Variants in DCDC2C observed in about 807,000 individuals in gnomAD.
DCDC2C encodes doublecortin domain-containing protein 2C.
In DCDC2C, 44 loss-of-function variants were observed where a neutral mutation model predicts 45.0. The observed-to-expected ratio is 0.98, with a 90% confidence interval of 0.77 to 1.26. The LOEUF (loss-of-function observed/expected upper bound fraction) is 1.26. Ranked by LOEUF, DCDC2C falls within the 50% of genes most tolerant of loss-of-function variation. DCDC2C has a pLI of 0.00. For synonymous variants in DCDC2C, 187 were observed against 178.8 expected, an observed-to-expected ratio of 1.05 and a Z score of -0.37; for missense variants, 447 against 468.9, an observed-to-expected ratio of 0.95 and a Z score of 0.43.
chr2:3,758,278 C>A (rs142058024), intron 6 of DCDC2C, among the ~76,000 whole-genome samples: 19 of 152,294 alleles, frequency 1.2e-4, no homozygotes, highest in African/African-American at 4.6e-4. Context: ...TCTCAGGACT[C>A]CTGTGGGCAG....
At chr2:3,803,406 C>T (rs1001562806) in intron 10 of DCDC2C, among the ~76,000 whole-genome samples, 3 of 152,222 alleles carry the variant, frequency 2.0e-5, no homozygotes, top group African/African-American at 7.2e-5. Context: ...TGCGTCCTAT[C>T]TTCGTGGGTT....
intron 6 of DCDC2C, among the ~76,000 whole-genome samples, chr2:3,756,925 A>G (rs748111395): frequency 7.9e-5 from 12 of 152,206 alleles, no homozygotes; most frequent in Non-Finnish European, 1.8e-4. Context: ...TTTCTCTAAG[A>G]AACACATTTT....
intron 1 of DCDC2C, among the ~76,000 whole-genome samples, chr2:3,706,950 G>A (rs557757668): frequency 9.8e-5 from 15 of 152,306 alleles, no homozygotes; most frequent in African/African-American, 3.1e-4. Flanking sequence ...TCTGCGGTAC[G>A]GTTGGGAGAA....
intron 2 of DCDC2C, among the ~76,000 whole-genome samples, chr2:3,718,909 C>T (rs1216089189): frequency 3.3e-5 from 5 of 152,204 alleles, no homozygotes; most frequent in Admixed American, 6.5e-5. Flanking sequence ...AGCTACAGAG[C>T]GCTGATTAGT....
intron 2 of DCDC2C, among the ~76,000 whole-genome samples, chr2:3,708,887 G>A (rs971487308): frequency 6.6e-6 from 1 of 152,152 alleles, no homozygotes; most frequent in Non-Finnish European, 1.5e-5. Context: ...TTTTGTTTTG[G>A]GGGGGTTTGG....
At chr2:3,793,595 A>G (rs1670881341) in intron 10 of DCDC2C, among the ~76,000 whole-genome samples, 1 of 152,248 alleles carries the variant, frequency 6.6e-6, no homozygotes, top group Non-Finnish European at 1.5e-5. Flanking sequence ...ATGGAGGGGA[A>G]ATGGAAGTGT....
chr2:3,742,153 A>G (rs1306389206), intron 4 of DCDC2C, 105 bp downstream of exon 4: 8 of 1,278,880 alleles, frequency 6.3e-6, no homozygotes, highest in Non-Finnish European at 8.3e-6. Flanking sequence ...ATGATTCACC[A>G]TAAACTCTTA....
rs181715707 is a variant in DCDC2C, at chr2:3,818,244, G to A, written c.1066-28910G>A. Among the ~76,000 whole-genome samples the A allele has an allele frequency of 5.5e-3, 845 of 152,266 alleles. 8 individuals are homozygous for A. The highest frequency in any genetic ancestry group is 0.019 in the African/African-American group (804 of 41,544). On this transcript the variant is annotated intron_variant, in intron 10 of 10. Coordinates refer to ENST00000399143, the MANE Select transcript of DCDC2C (RefSeq NM_001287444.2). The surrounding 1 kb of genome is among the most constrained non-coding windows in gnomAD (Gnocchi z 4.7). ...GAAAGGGCTTGACTGAAGTAATGAG[G>A]GCTGTCCATGAAGCCTTGTGGCAGT...
chr2:3,842,390 G>A (rs539181639), intron 10 of DCDC2C, among the ~76,000 whole-genome samples: 1 of 152,166 alleles, frequency 6.6e-6, no homozygotes, highest in South Asian at 2.1e-4. Flanking sequence ...CTGCGAAAAT[G>A]AATTGGGAAG....
rs185837012 is a variant in DCDC2C, at chr2:3,818,700, G to A, written c.1066-28454G>A. Among the ~76,000 whole-genome samples the A allele has an allele frequency of 2.6e-5, 4 of 152,086 alleles. No individual in the cohort carries two copies. The highest frequency in any genetic ancestry group is 9.7e-5 in the African/African-American group (4 of 41,398). ...GATTAGGTTTTAAAGGGATGGTAAG[G>A]GGTGCATGATCGGTCATCAAGGAGG... is the stretch of plus-strand genomic sequence containing the variant. On this transcript the variant is annotated intron_variant, in intron 10 of 10. Coordinates refer to ENST00000399143, the MANE Select transcript of DCDC2C (RefSeq NM_001287444.2). The surrounding 1 kb of genome is among the most constrained non-coding windows in gnomAD (Gnocchi z 4.7).
chr2:3,772,864 T>C (rs6714956), intron 8 of DCDC2C, among the ~76,000 whole-genome samples: 72,863 of 152,066 alleles, frequency 0.48, 17,722 homozygotes, highest in East Asian at 0.67. Context: ...ACACTGGCGT[T>C]TCAAGGCTCC....
intron 10 of DCDC2C, among the ~76,000 whole-genome samples, chr2:3,839,792 G>A (rs1672164522): frequency 1.3e-5 from 2 of 152,210 alleles, no homozygotes; most frequent in South Asian, 2.1e-4. Context: ...TCGCCAAAAT[G>A]TCAGGGCTGC....
At chr2:3,727,792 G>T (rs113628833) in intron 3 of DCDC2C, among the ~76,000 whole-genome samples, 1 of 152,170 alleles carries the variant, frequency 6.6e-6, no homozygotes, top group East Asian at 1.9e-4. Context: ...CTGCTGCTTC[G>T]CTCTGAGGCT....
At chr2:3,813,051 ATATATATATATATATATTTTTTT>A (rs1489666810) in intron 10 of DCDC2C, among the ~76,000 whole-genome samples, 2 of 82,740 alleles carry the variant, frequency 2.4e-5, no homozygotes, top group African/African-American at 1.4e-4. Flanking sequence ...ATATATATAT[ATATATATATATATATATTTTTTT>A]TTTTTTGCTG....
At chr2:3,730,833 C>T (rs1284524996) in intron 3 of DCDC2C, among the ~76,000 whole-genome samples, 2 of 152,234 alleles carry the variant, frequency 1.3e-5, no homozygotes, top group Non-Finnish European at 2.9e-5. Context: ...CTCATATAGC[C>T]TCCAGTGGTA....
chr2:3,769,137 G>A (rs1219359785), intron 7 of DCDC2C, 174 bp from the exon 8 acceptor site: 4 of 587,220 alleles, frequency 6.8e-6, no homozygotes, highest in South Asian at 2.1e-5. Flanking sequence ...ATGCAAACAG[G>A]AAGGGCGAGA....
intron 2 of DCDC2C, among the ~76,000 whole-genome samples, chr2:3,725,423 A>C (rs11887967): frequency 0.12 from 4,712 of 39,916 alleles, 211 homozygotes; most frequent in African/African-American, 0.16. Flanking sequence ...GGAGGCTGCC[A>C]GGTGGATCCC....
At chr2:3,708,846 A>C (rs772349477) in intron 2 of DCDC2C, among the ~76,000 whole-genome samples, 1 of 152,256 alleles carries the variant, frequency 6.6e-6, no homozygotes, top group Non-Finnish European at 1.5e-5. Flanking sequence ...TCTGAGGCAC[A>C]CCGTGCAATT....
chr2:3,747,147 C>A (rs762036685), intron 4 of DCDC2C, among the ~76,000 whole-genome samples: 2 of 152,176 alleles, frequency 1.3e-5, no homozygotes, highest in Non-Finnish European at 2.9e-5. Flanking sequence ...CACACATGCA[C>A]GCAGCACACA....
Sources: gnomAD v4.1 joint callset for allele counts (sites outside exome capture counted in the v4.1 genomes callset) on GRCh38, gnomAD v4.1.1 for gene constraint, Gnocchi (gnomAD v3.1) non-coding constraint, MANE v1.5 for transcripts, NCBI Gene and HGNC (gene_info 2026-07-23, HGNC 2026-07-21) for gene names.